NKAIN2: variants seen among roughly 807,000 people sequenced by gnomAD.
The protein encoded by NKAIN2 is sodium/potassium transporting ATPase interacting 2, also known as sodium/potassium-transporting ATPase subunit beta-1-interacting protein 2.
In NKAIN2, 14 loss-of-function variants were observed where a neutral mutation model predicts 32.6. The ratio of observed to expected loss-of-function variants is 0.43; its 90% CI spans 0.28 to 0.67. The LOEUF is 0.67. NKAIN2 is among the 30% of genes least tolerant of loss of function. The probability of loss-of-function intolerance (pLI) is 0.17; values close to 1 mark genes in which losing one functional copy is unlikely to be tolerated. For synonymous variants in NKAIN2, 80 were observed against 87.2 expected (o/e 0.92, Z 0.46); for missense variants, 198 against 258.3 (o/e 0.77, Z 1.60).
chr6:124,777,170 G>A (rs774116299), intron 4 of NKAIN2, among the ~76,000 whole-genome samples: 2 of 152,094 alleles, frequency 1.3e-5, no homozygotes, highest in Non-Finnish European at 2.9e-5. Context: ...GGAAAGTTAT[G>A]CTTTTGTGTA....
At chr6:124,740,435 T>TAC (rs1047985474) in intron 4 of NKAIN2, among the ~76,000 whole-genome samples, 2 of 108,440 alleles carry the variant, frequency 1.8e-5, no homozygotes, top group African/African-American at 3.4e-5. Context: ...TATATATATA[T>TAC]ACACATATAC....
chr6:123,815,218 T>C (rs951353015), intron 1 of NKAIN2, among the ~76,000 whole-genome samples: 1 of 152,218 alleles, frequency 6.6e-6, no homozygotes, highest in Non-Finnish European at 1.5e-5. Flanking sequence ...TAAGCCATAT[T>C]ACTTACTTAC....
rs186391873 is a variant in NKAIN2, at chr6:124,081,471, G to A, written c.55-201534G>A. ...CATATTCTGTTTCTCCTCTTTACTA[G>A]AATTGAATGGTATTATCTTTAGAAT... On this transcript the variant is annotated intron_variant, in intron 1 of 6. Transcript: ENST00000368417. 8.7e-4 allele frequency among the ~76,000 whole-genome samples: 132 copies of A among 151,996 alleles called. 1 individual carries two copies. The highest frequency in any genetic ancestry group is 3.0e-3 in the African/African-American group (123 of 41,500).
rs184094776 is a variant in NKAIN2, at chr6:124,478,812, G to A, written c.273+123465G>A. The stretch of plus-strand genomic sequence containing the variant: ...ATGACTATTCATTCCTTTAGTGTGG[G>A]CTTCCCATAATGACTTCTTTCCAAA... On this transcript the variant is annotated intron_variant, in intron 3 of 6. Transcript: ENST00000368417. Among the ~76,000 whole-genome samples the A allele has an allele frequency of 8.0e-4, 121 of 152,138 alleles. 1 individual carries two copies. The highest frequency in any genetic ancestry group is 1.5e-3 in the Non-Finnish European group (104 of 68,030).
At chr6:124,413,390 A>G (rs1022769279) in intron 3 of NKAIN2, among the ~76,000 whole-genome samples, 5 of 152,158 alleles carry the variant, frequency 3.3e-5, no homozygotes, top group African/African-American at 9.7e-5. Context: ...TCCATTGTCT[A>G]TATATGTGTA....
At chr6:123,941,199 A>C (rs942975248) in intron 1 of NKAIN2, among the ~76,000 whole-genome samples, 1 of 151,880 alleles carries the variant, frequency 6.6e-6, no homozygotes, top group Non-Finnish European at 1.5e-5. Context: ...TGTAGAGCTG[A>C]TAACAAGTCT....
intron 1 of NKAIN2, among the ~76,000 whole-genome samples, chr6:124,026,631 T>C (rs977798798): frequency 6.6e-6 from 1 of 152,176 alleles, no homozygotes; most frequent in African/African-American, 2.4e-5. Context: ...GCTTTCTTTT[T>C]CCTACTGAAC....
chr6:124,387,999 C>G, intron 3 of NKAIN2, among the ~76,000 whole-genome samples: 1 of 152,006 alleles, frequency 6.6e-6, no homozygotes, highest in East Asian at 1.9e-4. Flanking sequence ...GAAGGTGCTA[C>G]TATCATGTAG....
intron 1 of NKAIN2, among the ~76,000 whole-genome samples, chr6:123,839,175 G>T (rs1032261021): frequency 2.3e-4 from 33 of 146,034 alleles, no homozygotes; most frequent in Admixed American, 6.9e-5. Context: ...TGAACTTGCA[G>T]AAGGAAAAAG....
intron 4 of NKAIN2, among the ~76,000 whole-genome samples, chr6:124,697,029 C>A (rs893593674): frequency 1.3e-5 from 2 of 152,032 alleles, no homozygotes; most frequent in Admixed American, 1.3e-4. Context: ...TTGCGCATAG[C>A]TTTTGTTACC....
chr6:123,881,809 A>G (rs1372283753), intron 1 of NKAIN2, among the ~76,000 whole-genome samples: 1 of 152,222 alleles, frequency 6.6e-6, no homozygotes, highest in Admixed American at 6.5e-5. Flanking sequence ...TAGCTATGAA[A>G]CAAACTCATA....
At chr6:124,367,015 CTG>C (rs201020397) in intron 3 of NKAIN2, among the ~76,000 whole-genome samples, 1,706 of 152,078 alleles carry the variant, frequency 0.011, 36 homozygotes, top group African/African-American at 0.038. Flanking sequence ...ATTTCCCACA[CTG>C]TATTGTAATA....
intron 3 of NKAIN2, among the ~76,000 whole-genome samples, chr6:124,502,238 T>G (rs956561059): frequency 6.1e-5 from 9 of 146,438 alleles, no homozygotes; most frequent in Middle Eastern, 3.3e-3. Context: ...AGGAGAGGAG[T>G]TTTTCTTTCA....
intron 1 of NKAIN2, among the ~76,000 whole-genome samples, chr6:124,259,757 G>T (rs751563605): frequency 2.0e-5 from 3 of 151,876 alleles, no homozygotes; most frequent in Non-Finnish European, 4.4e-5. Context: ...ATGCCTAGAT[G>T]ACTATTATGG....
chr6:124,153,857 G>A (rs141548949), intron 1 of NKAIN2, among the ~76,000 whole-genome samples: 2 of 150,482 alleles, frequency 1.3e-5, no homozygotes, highest in African/African-American at 4.9e-5. Context: ...GCAACATAAT[G>A]TTACATAAAT....
At chr6:123,955,905 G>A (rs1052252577) in intron 1 of NKAIN2, among the ~76,000 whole-genome samples, 13 of 152,108 alleles carry the variant, frequency 8.5e-5, no homozygotes, top group African/African-American at 2.9e-4. Flanking sequence ...CGGGATTATA[G>A]GAGTGAGCTA....
At chr6:124,450,685 G>A (rs557415338) in intron 3 of NKAIN2, among the ~76,000 whole-genome samples, 1 of 151,926 alleles carries the variant, frequency 6.6e-6, no homozygotes, top group Non-Finnish European at 1.5e-5. Flanking sequence ...GATTGGAAAA[G>A]CATTTAAATA....
chr6:124,259,749 G>A (rs1014328088), intron 1 of NKAIN2, among the ~76,000 whole-genome samples: 3 of 152,124 alleles, frequency 2.0e-5, no homozygotes, highest in Admixed American at 6.5e-5. Flanking sequence ...GGCTACTGAT[G>A]CCTAGATGAC....
intron 4 of NKAIN2, among the ~76,000 whole-genome samples, chr6:124,763,442 A>G (rs1267727112): frequency 6.6e-6 from 1 of 152,224 alleles, no homozygotes; most frequent in Non-Finnish European, 1.5e-5. Flanking sequence ...GAGCAGGAGC[A>G]AGAGATGGAG....
Sources: allele counts gnomAD v4.1 joint callset (sites outside exome capture counted in the v4.1 genomes callset), GRCh38; gene constraint gnomAD v4.1.1; transcripts MANE v1.5; gene names NCBI Gene and HGNC (gene_info 2026-07-23, HGNC 2026-07-21).